The following HCN1 variants were observed in gnomAD, a reference collection of about 807,000 sequenced individuals.
HCN1 encodes the protein potassium/sodium hyperpolarization-activated cyclic nucleotide-gated channel 1.
A neutral mutation model predicts 78.9 loss-of-function variants in HCN1; 13 were observed. The ratio of observed to expected loss-of-function variants is 0.16; its 90% CI spans 0.11 to 0.26. The LOEUF (loss-of-function observed/expected upper bound fraction) is 0.26. Among genes scored for constraint, HCN1 ranks in the 10% least tolerant of loss-of-function variants. HCN1 has a pLI of 1.00. For synonymous variants in HCN1, 552 were observed against 455.5 expected, an observed-to-expected ratio of 1.21 and a Z score of -2.70; for missense variants, 810 against 1,154.3, an observed-to-expected ratio of 0.70 and a Z score of 4.32.
At chr5:45,599,384 G>C (rs1744577283) in intron 2 of HCN1, among the ~76,000 whole-genome samples, 1 of 137,228 alleles carries the variant, frequency 7.3e-6, no homozygotes, top group African/African-American at 2.7e-5. Flanking sequence ...ACATGGCGGG[G>C]AACATCACAC....
intron 1 of HCN1, among the ~76,000 whole-genome samples, chr5:45,684,603 G>A (rs1739767186): frequency 2.0e-5 from 3 of 152,300 alleles, no homozygotes; most frequent in African/African-American, 7.2e-5. Context: ...GCTCACGCCT[G>A]TAAACCCAGC....
In HCN1 at chr5:45,421,507, C is replaced by A. The variant is rs184351146; in HGVS notation, c.1012-24797G>T. ...CAAAATAATGAGTGAAGGAAGCAAACCTTGTAAGATAAAGGAACAGCTTAT... is the reference window on the plus strand; with the variant it reads ...CAAAATAATGAGTGAAGGAAGCAAAACTTGTAAGATAAAGGAACAGCTTAT... On this transcript the variant is annotated intron_variant, in intron 3 of 7. Transcript: ENST00000303230. 1.7e-3 allele frequency among the ~76,000 whole-genome samples: 258 copies of A among 151,838 alleles called. 1 individual carries two copies. The highest frequency in any genetic ancestry group is 6.0e-3 in the African/African-American group (249 of 41,428).
At chr5:45,405,728 C>T (rs1415257562) in intron 3 of HCN1, among the ~76,000 whole-genome samples, 2 of 152,100 alleles carry the variant, frequency 1.3e-5, no homozygotes, top group African/African-American at 2.4e-5. Flanking sequence ...ATATTTAGTG[C>T]TATGATCTGC....
intron 3 of HCN1, among the ~76,000 whole-genome samples, chr5:45,407,734 TCCTGAC>T: frequency 6.6e-6 from 1 of 152,078 alleles, no homozygotes; most frequent in Non-Finnish European, 1.5e-5. Flanking sequence ...GGTCTCGAAC[TCCTGAC>T]CTCAGGTGAT....
chr5:45,255,546 C>G lies in HCN1; in HGVS notation c.*6375G>C, dbSNP rs79519338. 2.0e-5 allele frequency: 3 copies of G among 152,010 alleles called. No homozygotes were observed. The highest frequency in any genetic ancestry group is 7.3e-5 in the African/African-American group (3 of 41,368). The allele number at this position is 152,010 out of a possible 1,614,324, so 9.4% of individuals were successfully genotyped here. ...GCACCACACTTTCCACAGTGAGGCA[C>G]GCAAGAACATTTAGAACTGCACATT... On this transcript the variant is annotated 3_prime_UTR_variant, in exon 8 of 8. Transcript: ENST00000303230.
At chr5:45,497,672 T>A (rs1028645739) in intron 2 of HCN1, among the ~76,000 whole-genome samples, 2 of 152,160 alleles carry the variant, frequency 1.3e-5, no homozygotes, top group African/African-American at 4.8e-5. Context: ...CCAGTCTGTG[T>A]CTTTTAATTG....
Position 45,524,037 on chromosome 5 carries a change from A to G in HCN1, c.850-62030T>C, listed in dbSNP as rs560224622. 3.4e-3 allele frequency among the ~76,000 whole-genome samples: 520 copies of G among 152,182 alleles called. 3 individuals are homozygous for G. Among genetic ancestry groups the G allele is most frequent in the South Asian group, 6.2e-3 (30 of 4,830 alleles). On this transcript the variant is annotated intron_variant, in intron 2 of 7. Coordinates refer to ENST00000303230, the MANE Select transcript of HCN1 (RefSeq NM_021072.4). ...TAATCCATCTTGAATTAATTTTTGT[A>G]TAAGGTGTAAGGAAGGGATCCAGTT...
chr5:45,620,186 G>A (rs1290948239), intron 2 of HCN1, among the ~76,000 whole-genome samples: 1 of 151,930 alleles, frequency 6.6e-6, no homozygotes, highest in Non-Finnish European at 1.5e-5. Flanking sequence ...GAAAGACTAA[G>A]AAACATCATA....
intron 5 of HCN1, among the ~76,000 whole-genome samples, chr5:45,339,830 C>T (rs149999288): frequency 7.9e-5 from 12 of 152,162 alleles, no homozygotes; most frequent in Admixed American, 2.6e-4. Context: ...AGAGGATGCA[C>T]GTAAAAGTGA....
At chr5:45,295,389 C>A (rs1745468043) in intron 6 of HCN1, among the ~76,000 whole-genome samples, 1 of 151,862 alleles carries the variant, frequency 6.6e-6, no homozygotes, top group Admixed American at 6.6e-5. Context: ...CTGCTCTATC[C>A]CCAGGCCTTA....
At chr5:45,515,419 G>C (rs1742498323) in intron 2 of HCN1, among the ~76,000 whole-genome samples, 1 of 151,930 alleles carries the variant, frequency 6.6e-6, no homozygotes, top group Admixed American at 6.6e-5. Flanking sequence ...ATTGCTTACT[G>C]AATATTTGTT....
chr5:45,475,185 T>C (rs1290054393), intron 2 of HCN1, among the ~76,000 whole-genome samples: 5 of 152,028 alleles, frequency 3.3e-5, no homozygotes, highest in East Asian at 1.9e-4. Flanking sequence ...AATGAGTATA[T>C]GAAAGCAGTG....
intron 6 of HCN1, among the ~76,000 whole-genome samples, chr5:45,267,994 A>G (rs1052610222): frequency 6.6e-6 from 1 of 152,240 alleles, no homozygotes; most frequent in Non-Finnish European, 1.5e-5. Context: ...TCTGGAAGGC[A>G]GAAAGCAGAT....
chr5:45,301,446 C>G (rs1467109632), intron 6 of HCN1, among the ~76,000 whole-genome samples: 1 of 150,936 alleles, frequency 6.6e-6, no homozygotes. Flanking sequence ...CAGTCAGGTG[C>G]GGTGGCTCAT....
intron 6 of HCN1, among the ~76,000 whole-genome samples, chr5:45,274,233 T>G (rs1745010506): frequency 6.6e-6 from 1 of 152,182 alleles, no homozygotes; most frequent in Non-Finnish European, 1.5e-5. Context: ...ACATTCCTAA[T>G]TGCACAATTA....
chr5:45,262,862 C>G, intron 7 of HCN1, 52 bp from the exon 8 acceptor site: 1 of 1,599,538 alleles, frequency 6.3e-7, no homozygotes, highest in Non-Finnish European at 8.5e-7. Context: ...TGACTGATGA[C>G]AACGCCAAGT....
chr5:45,316,953 T>C (rs1290699037), intron 5 of HCN1, among the ~76,000 whole-genome samples: 2 of 152,130 alleles, frequency 1.3e-5, no homozygotes, highest in South Asian at 2.1e-4. Context: ...TGCTCATGGA[T>C]AGGAAGAATC....
chr5:45,437,711 G>C (rs1740584241), intron 3 of HCN1, among the ~76,000 whole-genome samples: 1 of 152,138 alleles, frequency 6.6e-6, no homozygotes, highest in Non-Finnish European at 1.5e-5. Context: ...AAAAATACAA[G>C]ATACAATGCC....
chr5:45,626,104 T>C (rs1183819370), intron 2 of HCN1, among the ~76,000 whole-genome samples: 1 of 152,318 alleles, frequency 6.6e-6, no homozygotes, highest in Non-Finnish European at 1.5e-5. Context: ...TAGGAAAATA[T>C]ACACTTCTCA....
Sources: gnomAD v4.1 joint callset for allele counts (sites outside exome capture counted in the v4.1 genomes callset) on GRCh38, gnomAD v4.1.1 for gene constraint, MANE v1.5 for transcripts, NCBI Gene and HGNC (gene_info 2026-07-23, HGNC 2026-07-21) for gene names.